GNAI3: variants seen among roughly 807,000 people sequenced by gnomAD.
GNAI3 encodes the protein guanine nucleotide-binding protein G(i) subunit alpha-3.
GNAI3 carries 12 observed loss-of-function variants against 41.8 expected under a neutral mutation model. The observed-to-expected ratio is 0.29, with a 90% confidence interval of 0.18 to 0.47. The LOEUF is 0.47. GNAI3 is among the 20% of genes least tolerant of loss of function. The probability of loss-of-function intolerance (pLI) is 1.00; values close to 1 mark genes in which losing one functional copy is unlikely to be tolerated. For missense variants in GNAI3, 360 were observed against 429.6 expected (o/e 0.84, Z 1.43); for synonymous variants, 132 against 146.5 (o/e 0.90, Z 0.71).
intron 1 of GNAI3, among the ~76,000 whole-genome samples, chr1:109,560,611 C>A (rs1648284685): frequency 6.6e-6 from 1 of 152,114 alleles, no homozygotes; most frequent in South Asian, 2.1e-4. Flanking sequence ...TAAAAAAAAT[C>A]ATTTGAGAAA....
intron 3 of GNAI3, among the ~76,000 whole-genome samples, chr1:109,578,807 T>C (rs1158291047): frequency 6.6e-6 from 1 of 152,228 alleles, no homozygotes; most frequent in African/African-American, 2.4e-5. Flanking sequence ...TGCTAGTCTT[T>C]TTATTTCTAT....
Position 109,555,587 on chromosome 1 carries a change from A to G in GNAI3, c.118+6749A>G, listed in dbSNP as rs568593948. Among the ~76,000 whole-genome samples, 5 of 152,308 alleles carry G rather than the reference A, an allele frequency of 3.3e-5. No individual in the cohort carries two copies. In the South Asian group the frequency reaches 1.0e-3, roughly 32 times the overall value. ...CTATTCCTGTAGTACACTGATGGCC[A>G]TAGAGTAGGGTGCTTAATACTAGAT... On this transcript the variant is annotated intron_variant, in intron 1 of 8. Transcript: ENST00000369851.
At chr1:109,555,963 CGTGTGTGTGT>C (rs71069692) in intron 1 of GNAI3, among the ~76,000 whole-genome samples, 133 of 144,622 alleles carry the variant, frequency 9.2e-4, no homozygotes, top group Non-Finnish European at 1.4e-3. Context: ...TGCGTGCGTG[CGTGTGTGTGT>C]GTGTGTGTGT....
chr1:109,576,300 C>A (rs1400654287), intron 3 of GNAI3, among the ~76,000 whole-genome samples: 1 of 151,818 alleles, frequency 6.6e-6, no homozygotes, highest in Non-Finnish European at 1.5e-5. Flanking sequence ...AATTCCTGAC[C>A]TCAGGTGATC....
In GNAI3 at chr1:109,596,639, C is replaced by G. The variant is rs1249218340; in HGVS notation, c.*4317C>G. The G allele has an allele frequency of 6.6e-6, 1 of 152,264 alleles. No individual in the cohort carries two copies. Among genetic ancestry groups the G allele is most frequent in the East Asian group, 1.9e-4 (1 of 5,198 alleles). The allele number at this position is 152,264 out of a possible 1,614,324, so 9.4% of individuals were successfully genotyped here. On this transcript the variant is annotated 3_prime_UTR_variant, in exon 9 of 9. Transcript: ENST00000369851. ...AAAGTGCTGAGATTACAGATGTGAA[C>G]CACTCCACCCACTCAGGGCAGTTTT...
At chr1:109,577,096 G>T (rs143148967) in intron 3 of GNAI3, among the ~76,000 whole-genome samples, 223 of 151,140 alleles carry the variant, frequency 1.5e-3, no homozygotes, top group African/African-American at 5.4e-3. Flanking sequence ...AGAACCAGGG[G>T]ATTATGAAGA....
At chr1:109,550,415 C>T (rs1017804789) in intron 1 of GNAI3, among the ~76,000 whole-genome samples, 2 of 152,204 alleles carry the variant, frequency 1.3e-5, no homozygotes, top group Non-Finnish European at 2.9e-5. Context: ...TGCATGGTCC[C>T]TGGTACCTAG....
At chr1:109,569,803 G>C (rs1375456867) in intron 1 of GNAI3, among the ~76,000 whole-genome samples, 1 of 151,824 alleles carries the variant, frequency 6.6e-6, no homozygotes, top group Non-Finnish European at 1.5e-5. Context: ...GGGCAACAGA[G>C]GGTTTTTTGT....
Position 109,575,534 on chromosome 1 carries a change from CTTT to C in GNAI3, c.303+1520_303+1522del, listed in dbSNP as rs747890363. Among the ~76,000 whole-genome samples the C allele has an allele frequency of 5.3e-4, 28 of 52,862 alleles. No homozygotes were observed. The East Asian group carries it at 0.017, about 32-fold the overall frequency. 34.7% of individuals were successfully genotyped at this position (52,862 alleles called of 152,430 possible). ...TATTTATCTCCCTACCCTTTCATTT[CTTT>C]TTTTTTTTTTTTTTTTTTTTTTGGA... On this transcript the variant is annotated intron_variant, in intron 3 of 8. Coordinates refer to ENST00000369851, the MANE Select transcript of GNAI3 (RefSeq NM_006496.4).
At position 109,597,518 on chromosome 1, in the gene GNAI3, A is replaced by G. The variant is rs1239753189; in HGVS notation, c.*5196A>G. On this transcript the variant is annotated 3_prime_UTR_variant, in exon 9 of 9. Transcript: ENST00000369851. ...TGAAAATAAGCAACTTCAGTGCACA[A>G]ATAAGCTCAAAATCACTAGTGAGTG... 1.3e-5 allele frequency: 2 copies of G among 152,062 alleles called. No individual in the cohort carries two copies. Among genetic ancestry groups the G allele is most frequent in the African/African-American group, 4.8e-5 (2 of 41,402 alleles). 9.4% of individuals were successfully genotyped at this position (152,062 alleles called of 1,614,324 possible).
At chr1:109,548,979 G>A (rs1647905148) in intron 1 of GNAI3, 141 bp downstream of exon 1, 1 of 548,760 alleles carries the variant, frequency 1.8e-6, no homozygotes. Context: ...GGGTGTTGGG[G>A]TTCCTAGCTG....
chr1:109,578,470 C>CAAA (rs35519193), intron 3 of GNAI3, among the ~76,000 whole-genome samples: 10 of 84,288 alleles, frequency 1.2e-4, no homozygotes, highest in East Asian at 3.3e-4. Flanking sequence ...AACTCCGTCT[C>CAAA]AAAAAAAAAA....
At chr1:109,554,593 T>C (rs1403941578) in intron 1 of GNAI3, among the ~76,000 whole-genome samples, 1 of 152,226 alleles carries the variant, frequency 6.6e-6, no homozygotes, top group Non-Finnish European at 1.5e-5. Flanking sequence ...TTGATTTCCT[T>C]GTAGATTCTG....
intron 1 of GNAI3, among the ~76,000 whole-genome samples, chr1:109,553,761 T>C (rs1384383022): frequency 2.0e-5 from 3 of 152,188 alleles, no homozygotes; most frequent in Non-Finnish European, 4.4e-5. Context: ...TTTGGTTACG[T>C]GAATAAGTTT....
At position 109,549,760 on chromosome 1, in the gene GNAI3, C is replaced by T. The variant is rs145514288; in HGVS notation, c.118+922C>T. 1.9e-4 allele frequency among the ~76,000 whole-genome samples: 29 copies of T among 152,262 alleles called. No homozygotes were observed. In the East Asian group the frequency reaches 5.6e-3, roughly 29 times the overall value. ...TGGTGGCTGTTTTATCCTTTTTGGCCTCTTCAAAGCAAAACCATTGACTTC... is the reference window on the plus strand; with the variant it reads ...TGGTGGCTGTTTTATCCTTTTTGGCTTCTTCAAAGCAAAACCATTGACTTC... On this transcript the variant is annotated intron_variant, in intron 1 of 8. Transcript: ENST00000369851.
At chr1:109,553,059 G>C (rs1231614977) in intron 1 of GNAI3, among the ~76,000 whole-genome samples, 1 of 152,170 alleles carries the variant, frequency 6.6e-6, no homozygotes, top group African/African-American at 2.4e-5. Context: ...AAAATAGTAA[G>C]TGGTCACTTC....
chr1:109,563,140 G>A (rs1297942993), intron 1 of GNAI3, among the ~76,000 whole-genome samples: 1 of 152,220 alleles, frequency 6.6e-6, no homozygotes, highest in East Asian at 1.9e-4. Context: ...GCTCATGCCT[G>A]TAATCTCAGC....
At chr1:109,560,509 G>C (rs571614535) in intron 1 of GNAI3, among the ~76,000 whole-genome samples, 3 of 152,110 alleles carry the variant, frequency 2.0e-5, no homozygotes, top group East Asian at 1.9e-4. Flanking sequence ...GTAATCCCAG[G>C]ACTTTGGGAA....
At chr1:109,577,900 A>C (rs1309119446) in intron 3 of GNAI3, among the ~76,000 whole-genome samples, 2 of 152,136 alleles carry the variant, frequency 1.3e-5, no homozygotes, top group Admixed American at 1.3e-4. Context: ...ATTTGTCTTG[A>C]TGACTACTTA....
Sources: allele counts gnomAD v4.1 joint callset (sites outside exome capture counted in the v4.1 genomes callset), GRCh38; gene constraint gnomAD v4.1.1; transcripts MANE v1.5; gene names NCBI Gene and HGNC (gene_info 2026-07-23, HGNC 2026-07-21).